The following SBNO1 variants were observed in gnomAD, a reference collection of about 807,000 sequenced individuals.
The protein encoded by SBNO1 is strawberry notch homolog 1.
Under a neutral mutation model 173.6 loss-of-function variants are expected in SBNO1, and 23 were observed. The observed-to-expected ratio is 0.13, with a 90% CI of 0.10 to 0.19. SBNO1 has a LOEUF of 0.19. SBNO1 is among the 10% of genes least tolerant of loss of function. The pLI is 1.00. For missense variants in SBNO1, 1,238 were observed against 1,671.2 expected, an observed-to-expected ratio of 0.74 and a Z score of 4.52; for synonymous variants, 632 against 571.5, an observed-to-expected ratio of 1.11 and a Z score of -1.51.
chr12:123,316,236 T>C (rs1869248248), intron 21 of SBNO1, among the ~76,000 whole-genome samples: 1 of 152,216 alleles, frequency 6.6e-6, no homozygotes, highest in Admixed American at 6.5e-5. Flanking sequence ...CAGGATTTTT[T>C]TGTTGTTGTT....
intron 3 of SBNO1, among the ~76,000 whole-genome samples, chr12:123,347,757 A>T (rs1222780048): frequency 6.9e-6 from 1 of 145,838 alleles, no homozygotes; most frequent in African/African-American, 2.6e-5. Context: ...CTGGTCTTGA[A>T]CTCCTGACCT....
intron 19 of SBNO1, 103 bp downstream of exon 19, chr12:123,320,328 TG>T: frequency 1.8e-6 from 2 of 1,136,988 alleles, no homozygotes; most frequent in South Asian, 1.6e-5. Flanking sequence ...AAGAATTCTA[TG>T]ATCTAAGAAA....
intron 20 of SBNO1, among the ~76,000 whole-genome samples, chr12:123,319,573 A>C (rs1411519373): frequency 6.6e-6 from 1 of 151,840 alleles, no homozygotes; most frequent in Non-Finnish European, 1.5e-5. Flanking sequence ...ACACCCAGCT[A>C]AATTTTTGTA....
chr12:123,364,239 G>A lies in SBNO1; in HGVS notation c.-1+462C>T, dbSNP rs1005962076. The A allele has an allele frequency of 2.5e-5, 25 of 985,520 alleles. No homozygotes were observed. The African/African-American group carries it at 3.5e-4, about 14-fold the overall frequency. The allele number at this position is 985,520 out of a possible 1,614,324, so 61.0% of individuals were successfully genotyped here. On this transcript the variant is annotated intron_variant, in intron 1 of 31. Coordinates refer to ENST00000602398, the MANE Select transcript of SBNO1 (RefSeq NM_001167856.3). ...GTCGCCTGCCTCCCTCCCTCGCCCAGAGCCGGGAGCAATGCTGGGGCACGA... is the reference window on the plus strand; with the variant it reads ...GTCGCCTGCCTCCCTCCCTCGCCCAAAGCCGGGAGCAATGCTGGGGCACGA...
intron 1 of SBNO1, chr12:123,364,258 G>A (rs1473625883): frequency 2.0e-6 from 2 of 985,468 alleles, no homozygotes; most frequent in African/African-American, 3.5e-5. Context: ...GCAATGCTGG[G>A]GCACGAAAGA....
chr12:123,326,400 T>A, intron 13 of SBNO1, 66 bp from the exon 14 acceptor site: 1 of 1,054,230 alleles, frequency 9.5e-7, no homozygotes, highest in Non-Finnish European at 1.3e-6. Flanking sequence ...AAATACCAAT[T>A]AAATCAAAAC....
At chr12:123,353,980 C>T (rs1439135420) in intron 1 of SBNO1, among the ~76,000 whole-genome samples, 1 of 152,202 alleles carries the variant, frequency 6.6e-6, no homozygotes, top group Non-Finnish European at 1.5e-5. Context: ...CAAGCCCTAT[C>T]TAATAATATT....
intron 15 of SBNO1, among the ~76,000 whole-genome samples, chr12:123,324,075 C>T (rs1045785654): frequency 3.3e-5 from 5 of 152,030 alleles, no homozygotes; most frequent in African/African-American, 1.2e-4. Flanking sequence ...ATAAATAAAA[C>T]TGGTGGAACT....
rs776741481 is a variant in SBNO1, at chr12:123,340,939, T to C, written c.651+49A>G. 9 of 1,146,216 alleles carry C rather than the reference T, an allele frequency of 7.9e-6. 1 individual carries two copies. The South Asian group carries it at 1.2e-4, about 15-fold the overall frequency. The allele number at this position is 1,146,216 out of a possible 1,614,324, so 71.0% of individuals were successfully genotyped here. On this transcript the variant is annotated intron_variant, in intron 5 of 31. Transcript: ENST00000602398. ...TCCATATAGAACACTTTTAGTTGAG[T>C]ACACTCTCATACTACACAAAAATAA... is the stretch of plus-strand genomic sequence containing the variant.
At chr12:123,338,536 A>G (rs1593388256) in intron 5 of SBNO1, among the ~76,000 whole-genome samples, 1 of 152,040 alleles carries the variant, frequency 6.6e-6, no homozygotes, top group Non-Finnish European at 1.5e-5. Context: ...ACAAAAGAAA[A>G]TTAGCAGGGC....
chr12:123,301,539 G>A (rs141505356), intron 30 of SBNO1, among the ~76,000 whole-genome samples: 60 of 152,280 alleles, frequency 3.9e-4, no homozygotes, highest in African/African-American at 1.3e-3. Flanking sequence ...ACTTAATGAG[G>A]GAGAGAACAA....
chr12:123,361,956 T>C (rs376621859), intron 1 of SBNO1, among the ~76,000 whole-genome samples: 1 of 149,230 alleles, frequency 6.7e-6, no homozygotes, highest in Non-Finnish European at 1.5e-5. Context: ...CTGGCCAATA[T>C]GGTGAAACCC....
intron 1 of SBNO1, chr12:123,364,116 G>C: frequency 2.0e-6 from 2 of 985,608 alleles, no homozygotes; most frequent in Non-Finnish European, 2.4e-6. Flanking sequence ...GAGGCGTGAA[G>C]GGAGCCTGCA....
chr12:123,336,816 T>C (rs1871902080), intron 5 of SBNO1, among the ~76,000 whole-genome samples: 1 of 152,180 alleles, frequency 6.6e-6, no homozygotes, highest in Non-Finnish European at 1.5e-5. Flanking sequence ...CTCTCTGCAC[T>C]CAGACTTCGC....
At chr12:123,364,413 C>A (rs1875847253) in intron 1 of SBNO1, 32 of 985,382 alleles carry the variant, frequency 3.2e-5, no homozygotes, top group Non-Finnish European at 3.7e-5. Context: ...GTGCCTCCGG[C>A]CCGGGACAGC....
intron 1 of SBNO1, among the ~76,000 whole-genome samples, chr12:123,351,976 G>A (rs1274881292): frequency 6.6e-6 from 1 of 152,102 alleles, no homozygotes; most frequent in Admixed American, 6.6e-5. Flanking sequence ...GTTTGCCGGG[G>A]TGGGGGGCTA....
In SBNO1 at chr12:123,302,895, G is replaced by C. The variant is rs760341980; in HGVS notation, c.3774C>G (p.Val1258=). ...ADLKKKYKKV[V]SDDALMHWLD... is the part of the protein sequence containing the mutation. ...ACCAGTGCATCAGGGCATCATCTGAGACGACCTGTAAAAATGAGAAGAATT... is the reference window on the plus strand; with the variant it reads ...ACCAGTGCATCAGGGCATCATCTGACACGACCTGTAAAAATGAGAAGAATT... Residue 1258 remains valine (V), a synonymous_variant, in exon 30 of 32, where the codon GTC becomes GTG. Transcript: ENST00000602398. 3.1e-6 allele frequency: 5 copies of C among 1,611,330 alleles called. No individual in the cohort carries two copies. In the South Asian group the frequency reaches 5.5e-5, roughly 18 times the overall value.
intron 30 of SBNO1, among the ~76,000 whole-genome samples, chr12:123,299,477 C>T (rs1027165854): frequency 2.7e-4 from 41 of 150,018 alleles, no homozygotes; most frequent in African/African-American, 9.5e-4. Context: ...GTCAGGAGAT[C>T]CAGAGCATCC....
At chr12:123,358,030 G>A (rs769340617) in intron 1 of SBNO1, among the ~76,000 whole-genome samples, 5 of 152,134 alleles carry the variant, frequency 3.3e-5, no homozygotes, top group Non-Finnish European at 7.4e-5. Flanking sequence ...TGAGTTTCCC[G>A]TATCTGAAAC....
Sources: gnomAD v4.1 joint callset for allele counts (sites outside exome capture counted in the v4.1 genomes callset) on GRCh38, gnomAD v4.1.1 for gene constraint, MANE v1.5 for transcripts, NCBI Gene and HGNC (gene_info 2026-07-23, HGNC 2026-07-21) for gene names.